FGFR2: variants seen among roughly 807,000 people sequenced by gnomAD.
FGFR2 encodes fibroblast growth factor receptor 2.
FGFR2 carries 19 observed loss-of-function variants against 95.9 expected under a neutral mutation model. The observed-to-expected ratio is 0.20, with a 90% CI of 0.14 to 0.29. FGFR2 has a LOEUF of 0.29. Ranked by LOEUF, FGFR2 falls within the 10% of genes least tolerant of loss-of-function variation. FGFR2 has a pLI of 1.00. For synonymous variants in FGFR2, 392 were observed against 393.3 expected, an observed-to-expected ratio of 1.00 and a Z score of 0.04; for missense variants, 707 against 1,056.9, an observed-to-expected ratio of 0.67 and a Z score of 4.59.
intron 2 of FGFR2, among the ~76,000 whole-genome samples, chr10:121,584,553 A>C (rs10886951): frequency 7.9e-4 from 3 of 3,808 alleles, no homozygotes; most frequent in Admixed American, 2.8e-3. Context: ...CCCACCCCAA[A>C]CGATCCCATA....
At chr10:121,558,447 C>G (rs1856490375) in intron 4 of FGFR2, among the ~76,000 whole-genome samples, 1 of 152,182 alleles carries the variant, frequency 6.6e-6, no homozygotes, top group African/African-American at 2.4e-5. Context: ...ACATCTAGTG[C>G]TGGTACCATG....
At chr10:121,499,204 A>G (rs1334851799) in intron 11 of FGFR2, among the ~76,000 whole-genome samples, 2 of 152,184 alleles carry the variant, frequency 1.3e-5, no homozygotes, top group African/African-American at 4.8e-5. Context: ...TCCGCTCTGT[A>G]ATTTCAAGCA....
At chr10:121,525,043 T>C (rs1387306684) in intron 6 of FGFR2, among the ~76,000 whole-genome samples, 1 of 152,242 alleles carries the variant, frequency 6.6e-6, no homozygotes, top group Non-Finnish European at 1.5e-5. Context: ...GATTCTCTTC[T>C]AGCATGTTTA....
chr10:121,577,711 G>A (rs1470671304), intron 2 of FGFR2, among the ~76,000 whole-genome samples: 1 of 152,026 alleles, frequency 6.6e-6, no homozygotes, highest in African/African-American at 2.4e-5. Context: ...CCAGTCTCCT[G>A]GGCACGTGTG....
At chr10:121,507,823 C>A (rs959889046) in intron 9 of FGFR2, among the ~76,000 whole-genome samples, 3 of 152,066 alleles carry the variant, frequency 2.0e-5, no homozygotes, top group Non-Finnish European at 4.4e-5. Context: ...GCGTTTGGAG[C>A]CTAGGGTGGT....
chr10:121,561,480 A>G (rs894720929), intron 4 of FGFR2, among the ~76,000 whole-genome samples: 1 of 152,094 alleles, frequency 6.6e-6, no homozygotes, highest in African/African-American at 2.4e-5. Context: ...TAGTCCCAGA[A>G]CCACTGGACA....
At chr10:121,591,208 G>A (rs947004840) in intron 2 of FGFR2, among the ~76,000 whole-genome samples, 2 of 152,220 alleles carry the variant, frequency 1.3e-5, no homozygotes, top group African/African-American at 4.8e-5. Flanking sequence ...TAACAGATGA[G>A]GGGAAGTGGG....
At chr10:121,572,450 T>G (rs1858960564) in intron 2 of FGFR2, among the ~76,000 whole-genome samples, 1 of 151,956 alleles carries the variant, frequency 6.6e-6, no homozygotes, top group Admixed American at 6.6e-5. Flanking sequence ...GTGAAACCCA[T>G]CTCTATTAAA....
At chr10:121,575,670 C>T (rs1343546924) in intron 2 of FGFR2, among the ~76,000 whole-genome samples, 1 of 151,148 alleles carries the variant, frequency 6.6e-6, no homozygotes, top group Admixed American at 6.6e-5. Context: ...GCCTGGCCAA[C>T]ATGGTGAAAC....
At chr10:121,497,137 AAAAAAAAAAAAAG>A (rs1160792114) in intron 12 of FGFR2, among the ~76,000 whole-genome samples, 6 of 149,232 alleles carry the variant, frequency 4.0e-5, no homozygotes, top group African/African-American at 1.5e-4. Flanking sequence ...TCTCAAAAAA[AAAAAAAAAAAAAG>A]AAGAAGAAAA....
In FGFR2 at chr10:121,517,306, G is replaced by C. The variant is rs2134253198; in HGVS notation, c.1084+13C>G. 1 of 1,614,026 alleles carries C rather than the reference G, an allele frequency of 6.2e-7. No individual in the cohort carries two copies. On this transcript the variant is annotated intron_variant, in intron 8 of 17. Transcript: ENST00000358487. This position sits in a 1 kb window ranked among gnomAD's most constrained non-coding sequence, Gnocchi z 4.7. ...AAAGGGAAAAAAACCCAGAGAGAAAGAACAGTATATACCTGGCAGAACTGT... is the reference window on the plus strand; with the variant it reads ...AAAGGGAAAAAAACCCAGAGAGAAACAACAGTATATACCTGGCAGAACTGT...
At chr10:121,539,185 C>T (rs1853311006) in intron 5 of FGFR2, among the ~76,000 whole-genome samples, 1 of 152,234 alleles carries the variant, frequency 6.6e-6, no homozygotes. Flanking sequence ...GCCCTCTGTG[C>T]TGCCGTAGCT....
intron 6 of FGFR2, among the ~76,000 whole-genome samples, chr10:121,520,850 CT>C (rs1269223979): frequency 2.6e-5 from 4 of 152,156 alleles, no homozygotes; most frequent in Non-Finnish European, 4.4e-5. Context: ...ATCATGTTGC[CT>C]GGGCTGGTCT....
At chr10:121,591,571 C>T (rs1035072098) in intron 2 of FGFR2, among the ~76,000 whole-genome samples, 1 of 152,176 alleles carries the variant, frequency 6.6e-6, no homozygotes, top group Non-Finnish European at 1.5e-5. Context: ...TCTTCTTAAG[C>T]CCTCAGACGA....
At chr10:121,571,917 G>A (rs566758366) in intron 2 of FGFR2, among the ~76,000 whole-genome samples, 4 of 151,054 alleles carry the variant, frequency 2.6e-5, no homozygotes, top group Non-Finnish European at 2.9e-5. Flanking sequence ...CACTCCAGCC[G>A]GGGCAACAAG....
At chr10:121,498,189 A>C (rs1196238775) in intron 12 of FGFR2, among the ~76,000 whole-genome samples, 1 of 152,172 alleles carries the variant, frequency 6.6e-6, no homozygotes, top group East Asian at 1.9e-4. Flanking sequence ...AGCACTTACA[A>C]AACAAAAACA....
At chr10:121,565,762 A>C (rs2135127452) in intron 2 of FGFR2, 58 bp from the exon 3 acceptor site, 1 of 1,606,542 alleles carries the variant, frequency 6.2e-7, no homozygotes, top group Non-Finnish European at 8.5e-7. Flanking sequence ...AGAGGAGAGA[A>C]CGTCCAACAA....
chr10:121,501,649 C>T (rs1167955631), intron 10 of FGFR2, among the ~76,000 whole-genome samples: 1 of 152,092 alleles, frequency 6.6e-6, no homozygotes, highest in African/African-American at 2.4e-5. Context: ...ACGCAAAAGT[C>T]TTTGGAATAC....
Position 121,518,228 on chromosome 10 carries a change from C to T in FGFR2, c.940-765G>A, listed in dbSNP as rs2420942. Among the ~76,000 whole-genome samples, 139,099 of 152,228 alleles carry T rather than the reference C, an allele frequency of 0.91. 64,901 individuals are homozygous for T. Among genetic ancestry groups the T allele is most frequent in the East Asian group, 1 (5,180 of 5,180 alleles). On this transcript the variant is annotated intron_variant, in intron 7 of 17. Transcript: ENST00000358487. The surrounding 1 kb of genome is among the most constrained non-coding windows in gnomAD (Gnocchi z 4.0). ...AGAACAGCAACTCATAAGGATCAAC[C>T]ATGCAACCAAAGAAATGATGCTTTG...
Sources: allele counts gnomAD v4.1 joint callset (sites outside exome capture counted in the v4.1 genomes callset), GRCh38; gene constraint gnomAD v4.1.1; non-coding constraint Gnocchi (gnomAD v3.1); transcripts MANE v1.5; gene names NCBI Gene and HGNC (gene_info 2026-07-23, HGNC 2026-07-21).